The following SCOC variants were observed in gnomAD, a reference collection of about 807,000 sequenced individuals.
SCOC encodes the protein short coiled coil protein.
SCOC carries 7 observed loss-of-function variants against 9.9 expected under a neutral mutation model. That is an observed-to-expected ratio of 0.71 (90% CI 0.40 to 1.33). The LOEUF is 1.33. SCOC is among the 40% of genes most tolerant of loss of function. The pLI is 0.01. For synonymous variants in SCOC, 19 were observed against 28.2 expected, an observed-to-expected ratio of 0.67 and a Z score of 1.03; for missense variants, 66 against 89.7, an observed-to-expected ratio of 0.74 and a Z score of 1.07.
At chr4:140,332,960 G>A (rs568254110) in intron 1 of SCOC, among the ~76,000 whole-genome samples, 9 of 152,170 alleles carry the variant, frequency 5.9e-5, no homozygotes, top group Admixed American at 2.6e-4. Flanking sequence ...TCTGCATAAC[G>A]TATCCCATCT....
chr4:140,322,501 C>A (rs1242806467), intron 1 of SCOC, among the ~76,000 whole-genome samples: 1 of 152,098 alleles, frequency 6.6e-6, no homozygotes, highest in Non-Finnish European at 1.5e-5. Context: ...GGAAAGGCCA[C>A]CCATGTTACA....
At position 140,299,177 on chromosome 4, in the gene SCOC, G is replaced by A. The variant is rs534123844; in HGVS notation, c.-19+41767G>A. ...GTAGGTGCGTATATTTATGGGTTAC[G>A]TGAGAAATTTTAATGTAGGCATGCA... On this transcript the variant is annotated intron_variant, in intron 1 of 4. Transcript: ENST00000394205. 5.3e-5 allele frequency among the ~76,000 whole-genome samples: 8 copies of A among 152,254 alleles called. No individual in the cohort carries two copies. The South Asian group carries it at 6.2e-4, about 12-fold the overall frequency.
intron 1 of SCOC, among the ~76,000 whole-genome samples, chr4:140,296,801 A>C (rs1002515548): frequency 1.3e-5 from 2 of 152,052 alleles, no homozygotes; most frequent in African/African-American, 4.8e-5. Flanking sequence ...ATAATTCACT[A>C]TCCCTGAACA....
At chr4:140,343,928 C>G (rs996115) in intron 2 of SCOC, among the ~76,000 whole-genome samples, 87,328 of 151,950 alleles carry the variant, frequency 0.57, 27,020 homozygotes, top group Non-Finnish European at 0.71. Context: ...ATAACATGTA[C>G]TTTTTAAAAT....
chr4:140,305,148 A>G (rs1444509042), intron 1 of SCOC, among the ~76,000 whole-genome samples: 1 of 152,202 alleles, frequency 6.6e-6, no homozygotes, highest in Non-Finnish European at 1.5e-5. Flanking sequence ...CCAGGGAGAA[A>G]TGAAAATAAT....
At chr4:140,353,654 T>C (rs983715702) in intron 2 of SCOC, among the ~76,000 whole-genome samples, 1 of 152,196 alleles carries the variant, frequency 6.6e-6, no homozygotes, top group Non-Finnish European at 1.5e-5. Context: ...CGCCTTGGCC[T>C]CCCAAAGTGC....
chr4:140,275,745 T>A (rs1273292535), intron 1 of SCOC, among the ~76,000 whole-genome samples: 1 of 151,880 alleles, frequency 6.6e-6, no homozygotes, highest in Non-Finnish European at 1.5e-5. Flanking sequence ...CTTAAATTCC[T>A]TCAGAAAATT....
At chr4:140,271,536 A>G (rs1377307833) in intron 1 of SCOC, among the ~76,000 whole-genome samples, 2 of 152,234 alleles carry the variant, frequency 1.3e-5, no homozygotes, top group Admixed American at 1.3e-4. Context: ...AAGTAGTGCC[A>G]TAATCTAGGT....
intron 2 of SCOC, among the ~76,000 whole-genome samples, chr4:140,365,845 T>C (rs2126567388): frequency 6.6e-6 from 1 of 152,390 alleles, no homozygotes; most frequent in African/African-American, 2.4e-5. Context: ...ATGTGTTAAT[T>C]GACTGTTTAT....
At chr4:140,264,626 A>T (rs561594743) in intron 1 of SCOC, among the ~76,000 whole-genome samples, 3 of 152,314 alleles carry the variant, frequency 2.0e-5, no homozygotes, top group African/African-American at 7.2e-5. Flanking sequence ...TACTACTATC[A>T]TTTAGTGGGT....
intron 2 of SCOC, among the ~76,000 whole-genome samples, chr4:140,368,298 A>G (rs1360473778): frequency 6.6e-6 from 1 of 152,216 alleles, no homozygotes; most frequent in Non-Finnish European, 1.5e-5. Flanking sequence ...CCATTTAATT[A>G]AAATCAGTTT....
At chr4:140,347,243 C>T (rs148445448) in intron 2 of SCOC, among the ~76,000 whole-genome samples, 41 of 152,026 alleles carry the variant, frequency 2.7e-4, no homozygotes, top group Non-Finnish European at 5.1e-4. Flanking sequence ...ATATATGGAA[C>T]TGTTTGGTGT....
chr4:140,354,890 A>G (rs1166479305), intron 2 of SCOC, among the ~76,000 whole-genome samples: 1 of 152,092 alleles, frequency 6.6e-6, no homozygotes, highest in Non-Finnish European at 1.5e-5. Context: ...CTATCTAAAA[A>G]GCAACCCGTC....
At position 140,384,263 on chromosome 4, in the gene SCOC, A is replaced by C. The variant is rs1313223010; in HGVS notation, c.*3159A>C. 6.6e-6 allele frequency: 1 copy of C among 152,196 alleles called. No homozygotes were observed. Among genetic ancestry groups the C allele is most frequent in the East Asian group, 1.9e-4 (1 of 5,196 alleles). 9.4% of individuals were successfully genotyped at this position (152,196 alleles called of 1,614,324 possible). On this transcript the variant is annotated 3_prime_UTR_variant, in exon 4 of 4. Coordinates refer to ENST00000608372, the MANE Select transcript of SCOC (RefSeq NM_001153484.2). ...CCCACTGCTTGTCATGTTAATGGTAAGCTAATGCTATATACTTAGTTTTTG... is the reference window on the plus strand; with the variant it reads ...CCCACTGCTTGTCATGTTAATGGTACGCTAATGCTATATACTTAGTTTTTG...
intron 1 of SCOC, among the ~76,000 whole-genome samples, chr4:140,290,321 T>C (rs763253514): frequency 6.6e-6 from 1 of 152,336 alleles, no homozygotes; most frequent in South Asian, 2.1e-4. Context: ...AACCTTGGGC[T>C]TTCTCCTCTT....
At chr4:140,323,302 C>T (rs1560700850) in intron 1 of SCOC, among the ~76,000 whole-genome samples, 2 of 152,140 alleles carry the variant, frequency 1.3e-5, no homozygotes. Context: ...CACCTTCCAC[C>T]ATGAGTAAAA....
At chr4:140,348,845 C>T (rs890882363) in intron 2 of SCOC, among the ~76,000 whole-genome samples, 1 of 152,134 alleles carries the variant, frequency 6.6e-6, no homozygotes, top group African/African-American at 2.4e-5. Context: ...TGCAAAGATT[C>T]CCTGTTCTCC....
intron 1 of SCOC, among the ~76,000 whole-genome samples, chr4:140,336,365 A>T (rs1732957971): frequency 6.6e-6 from 1 of 152,164 alleles, no homozygotes; most frequent in Admixed American, 6.6e-5. Context: ...CATAGCCATT[A>T]AGTAATCACT....
intron 2 of SCOC, among the ~76,000 whole-genome samples, chr4:140,365,356 T>C (rs557493179): frequency 9.9e-5 from 15 of 152,258 alleles, no homozygotes; most frequent in African/African-American, 3.4e-4. Context: ...AAAATTGACA[T>C]TAGACAATCT....
Sources: gnomAD v4.1 joint callset for allele counts (sites outside exome capture counted in the v4.1 genomes callset) on GRCh38, gnomAD v4.1.1 for gene constraint, MANE v1.5 for transcripts, NCBI Gene and HGNC (gene_info 2026-07-23, HGNC 2026-07-21) for gene names.